CACNA1E: variants seen among roughly 807,000 people sequenced by gnomAD.
CACNA1E encodes the protein calcium voltage-gated channel subunit alpha1 E, also known as voltage-dependent R-type calcium channel subunit alpha-1E.
Under a neutral mutation model 259.2 loss-of-function variants are expected in CACNA1E, and 40 were observed. The observed-to-expected ratio is 0.15, with a 90% CI of 0.12 to 0.20. The LOEUF is 0.20. Ranked by LOEUF, CACNA1E falls within the 10% of genes least tolerant of loss-of-function variation. The pLI is 1.00. For synonymous variants in CACNA1E, 1,104 were observed against 1,138.5 expected, an observed-to-expected ratio of 0.97 and a Z score of 0.61; for missense variants, 1,874 against 3,040.1, an observed-to-expected ratio of 0.62 and a Z score of 9.02.
intron 7 of CACNA1E, chr1:181,651,766 T>C (rs1658779181): frequency 5.5e-6 from 1 of 182,424 alleles, no homozygotes; most frequent in Non-Finnish European, 1.1e-5. Flanking sequence ...GTGCTGGTTG[T>C]TAGGGAAATA....
chr1:181,343,407 G>A (rs1426449434), intron 1 of CACNA1E, among the ~76,000 whole-genome samples: 7 of 152,118 alleles, frequency 4.6e-5, no homozygotes, highest in East Asian at 1.9e-4. Context: ...ACTAGTTCAC[G>A]TGAGATCTGG....
chr1:181,508,051 TATGTTCCTGGGAACACCGTTCAAAAGAG>T (rs1173861973), intron 1 of CACNA1E, among the ~76,000 whole-genome samples: 2 of 152,034 alleles, frequency 1.3e-5, no homozygotes, highest in East Asian at 3.9e-4. Context: ...GCTGCCCAGG[TATGTTCCTGGGAACACCGTTCAAAAGAG>T]ATGCTCTGAA....
intron 6 of CACNA1E, among the ~76,000 whole-genome samples, chr1:181,621,128 G>T (rs1280062293): frequency 1.3e-5 from 2 of 152,240 alleles, no homozygotes; most frequent in Non-Finnish European, 2.9e-5. Flanking sequence ...CAGAGTGGAA[G>T]ATTCATTTAG....
chr1:181,485,394 C>A lies in CACNA1E; in HGVS notation c.266+1384C>A, dbSNP rs1663716198. On this transcript the variant is annotated intron_variant, in intron 1 of 47. Coordinates refer to ENST00000367573, the MANE Select transcript of CACNA1E (RefSeq NM_001205293.3). This position sits in a 1 kb window ranked among gnomAD's most constrained non-coding sequence, Gnocchi z 4.2. Reference sequence around the variant, plus strand: ...CCTCAGCAGCTCGGTGATTGGCTGGCGCGTGGTGCTTCTAGGCAGCACCCC... The same window carrying A: ...CCTCAGCAGCTCGGTGATTGGCTGGAGCGTGGTGCTTCTAGGCAGCACCCC... Among the ~76,000 whole-genome samples, 2 of 152,164 alleles carry A rather than the reference C, an allele frequency of 1.3e-5. No homozygotes were observed. The highest frequency in any genetic ancestry group is 2.9e-5 in the Non-Finnish European group (2 of 68,022).
chr1:181,515,772 G>A (rs1666534634), intron 3 of CACNA1E, among the ~76,000 whole-genome samples: 1 of 152,216 alleles, frequency 6.6e-6, no homozygotes, highest in African/African-American at 2.4e-5. Flanking sequence ...GGTAACAACA[G>A]GGAAATGAAG....
intron 3 of CACNA1E, among the ~76,000 whole-genome samples, chr1:181,549,025 GC>G (rs537803616): frequency 3.3e-5 from 5 of 152,214 alleles, no homozygotes; most frequent in African/African-American, 4.8e-5. Flanking sequence ...GGAAAAGCCA[GC>G]CGGAAAGGGG....
chr1:181,422,494 G>T (rs1254958749), intron 2 of CACNA1E, among the ~76,000 whole-genome samples: 1 of 152,202 alleles, frequency 6.6e-6, no homozygotes, highest in African/African-American at 2.4e-5. Context: ...GGGGTGTGGA[G>T]ATTCATGAGC....
chr1:181,432,793 G>C (rs750701455), intron 2 of CACNA1E, among the ~76,000 whole-genome samples: 5 of 152,126 alleles, frequency 3.3e-5, no homozygotes, highest in Non-Finnish European at 4.4e-5. Flanking sequence ...GAAAGGATTG[G>C]TCTCGATCAG....
chr1:181,571,021 T>C (rs1055929358), intron 3 of CACNA1E, among the ~76,000 whole-genome samples: 4 of 152,262 alleles, frequency 2.6e-5, no homozygotes, highest in African/African-American at 9.6e-5. Flanking sequence ...AGGGAGCTGA[T>C]GGGTCTGCAG....
Position 181,522,819 on chromosome 1 carries a change from G to A in CACNA1E, c.512+11309G>A, listed in dbSNP as rs150415557. ...ACATATGGACTCTGGTGATAGAGACGGGAAGGGAGTAAATGCTCACCCCGG... is the reference window on the plus strand; with the variant it reads ...ACATATGGACTCTGGTGATAGAGACAGGAAGGGAGTAAATGCTCACCCCGG... On this transcript the variant is annotated intron_variant, in intron 3 of 47. Coordinates refer to ENST00000367573, the MANE Select transcript of CACNA1E (RefSeq NM_001205293.3). 1.0e-3 allele frequency among the ~76,000 whole-genome samples: 152 copies of A among 152,242 alleles called. 2 individuals carry two copies. In the East Asian group the frequency reaches 0.011, roughly 11 times the overall value.
Position 181,799,183 on chromosome 1 carries a change from A to G in CACNA1E, c.*349A>G, listed in dbSNP as rs982469728. ...AGCTGTGGAGGGATCTAGCTGGCCT[A>G]TGTCTACACTCAGTGCCCTGAGAAG... On this transcript the variant is annotated 3_prime_UTR_variant, in exon 48 of 48. Transcript: ENST00000367573. 6 of 188,842 alleles carry G rather than the reference A, an allele frequency of 3.2e-5. No individual in the cohort carries two copies. The highest frequency in any genetic ancestry group is 1.2e-4 in the African/African-American group (5 of 42,778). The allele number at this position is 188,842 out of a possible 1,614,324, so 11.7% of individuals were successfully genotyped here. A position where few individuals can be genotyped will look rare whatever the true frequency, so the allele number is the denominator to read the frequency against.
intron 1 of CACNA1E, among the ~76,000 whole-genome samples, chr1:181,486,190 G>A (rs571822252): frequency 6.6e-6 from 1 of 152,338 alleles, no homozygotes; most frequent in African/African-American, 2.4e-5. Context: ...GAGTCAAACG[G>A]GAGACTCTCG....
At chr1:181,795,756 T>A (rs1283847137) in intron 46 of CACNA1E, among the ~76,000 whole-genome samples, 1 of 98,070 alleles carries the variant, frequency 1.0e-5, no homozygotes, top group East Asian at 2.2e-4. Flanking sequence ...TCTTTTAAGC[T>A]TTTTGCTTTA....
chr1:181,576,781 A>C (rs1323910313), intron 3 of CACNA1E, among the ~76,000 whole-genome samples: 2 of 152,256 alleles, frequency 1.3e-5, no homozygotes, highest in Non-Finnish European at 2.9e-5. Flanking sequence ...TATTAATATT[A>C]GTAAGCTTTG....
rs775638047 is a variant in CACNA1E at position 181,651,321 on chromosome 1, A to G, written c.952-17A>G. On this transcript the variant is annotated splice_polypyrimidine_tract_variant and intron_variant, in intron 6 of 47. Coordinates refer to ENST00000367573, the MANE Select transcript of CACNA1E (RefSeq NM_001205293.3). ...AGATGGCTTTAAGTATTAAGGAACC[A>G]TTTTTCTTTCTTTCAGACCAATGAT... The G allele has an allele frequency of 1.9e-6, 3 of 1,555,134 alleles. No homozygotes were observed. The highest frequency in any genetic ancestry group is 2.7e-6 in the Non-Finnish European group (3 of 1,127,332).
chr1:181,793,642 C>A (rs772314616), intron 44 of CACNA1E, 23 bp from the exon 45 acceptor site: 9 of 1,605,050 alleles, frequency 5.6e-6, no homozygotes, highest in Non-Finnish European at 6.8e-6. Flanking sequence ...GTCCCACAAG[C>A]TTGGCTGTGT....
chr1:181,710,378 A>G (rs1206438294), intron 7 of CACNA1E, among the ~76,000 whole-genome samples: 4 of 152,216 alleles, frequency 2.6e-5, no homozygotes, highest in Non-Finnish European at 5.9e-5. Context: ...AGCAGAGGCA[A>G]CACAGCATTG....
At chr1:181,769,132 G>GTATC (rs769313281) in intron 35 of CACNA1E, among the ~76,000 whole-genome samples, 2 of 152,124 alleles carry the variant, frequency 1.3e-5, no homozygotes, top group Non-Finnish European at 2.9e-5. Context: ...TGAAGTCACT[G>GTATC]TATCTCTCTT....
At chr1:181,365,511 T>C (rs1402376145) in intron 1 of CACNA1E, among the ~76,000 whole-genome samples, 1 of 152,152 alleles carries the variant, frequency 6.6e-6, no homozygotes, top group Non-Finnish European at 1.5e-5. Flanking sequence ...TCGGAGACAG[T>C]TGGGTAAATC....
Sources: gnomAD v4.1 joint callset for allele counts (sites outside exome capture counted in the v4.1 genomes callset) on GRCh38, gnomAD v4.1.1 for gene constraint, Gnocchi (gnomAD v3.1) non-coding constraint, MANE v1.5 for transcripts, NCBI Gene and HGNC (gene_info 2026-07-23, HGNC 2026-07-21) for gene names.